MYO3A: variants seen among roughly 807,000 people sequenced by gnomAD.
The protein encoded by MYO3A is myosin-IIIa.
In MYO3A, 180 loss-of-function variants were observed where a neutral mutation model predicts 192.7. The ratio of observed to expected loss-of-function variants is 0.93; its 90% CI spans 0.83 to 1.06. The LOEUF is 1.06. Among genes scored for constraint, MYO3A ranks in the 50% least tolerant of loss-of-function variants. The pLI, the probability that MYO3A is intolerant of heterozygous loss-of-function variation, is 0.00. For synonymous variants in MYO3A, 628 were observed against 645.3 expected (o/e 0.97, Z 0.41); for missense variants, 1,896 against 1,905.0 (o/e 1.00, Z 0.09).
chr10:26,068,717 G>A (rs1835008247), intron 11 of MYO3A, 51 bp from the exon 12 acceptor site: 1 of 1,236,050 alleles, frequency 8.1e-7, no homozygotes, highest in Non-Finnish European at 1.2e-6. Flanking sequence ...TTAAATTGTA[G>A]TTGACCACAA....
chr10:26,065,340 C>G (rs1193540365), intron 10 of MYO3A, among the ~76,000 whole-genome samples: 1 of 151,984 alleles, frequency 6.6e-6, no homozygotes, highest in East Asian at 1.9e-4. Context: ...TCCAAGCACA[C>G]TGGGAGGCCA....
chr10:26,104,687 T>C (rs1837681184), intron 17 of MYO3A, among the ~76,000 whole-genome samples: 1 of 152,080 alleles, frequency 6.6e-6, no homozygotes, highest in Non-Finnish European at 1.5e-5. Context: ...AATATAAATT[T>C]GAAGGATCAC....
In MYO3A at chr10:26,010,450, G is replaced by GTTTT. The variant is rs778349166; in HGVS notation, c.509-6352_509-6349dup. Among the ~76,000 whole-genome samples, 967 of 111,162 alleles carry GTTTT rather than the reference G, an allele frequency of 8.7e-3. 3 individuals are homozygous for GTTTT. Among genetic ancestry groups the GTTTT allele is most frequent in the East Asian group, 0.035 (125 of 3,568 alleles). 72.9% of individuals were successfully genotyped at this position (111,162 alleles called of 152,430 possible). On this transcript the variant is annotated intron_variant, in intron 6 of 34. Transcript: ENST00000642920. ...CATCCATGAGATAGACTAAGTAGTT[G>GTTTT]TTTTTTTTTTTTTTTTTTTTTGTTT...
At chr10:26,051,199 C>A (rs918292231) in intron 10 of MYO3A, among the ~76,000 whole-genome samples, 1 of 152,158 alleles carries the variant, frequency 6.6e-6, no homozygotes, top group East Asian at 1.9e-4. Flanking sequence ...TAATAAGACC[C>A]TTAAACATCA....
chr10:25,976,211 G>A (rs978804372), intron 4 of MYO3A, among the ~76,000 whole-genome samples: 6 of 152,084 alleles, frequency 3.9e-5, no homozygotes, highest in South Asian at 2.1e-4. Context: ...TGACATATAC[G>A]CCTACCACAT....
intron 10 of MYO3A, among the ~76,000 whole-genome samples, chr10:26,043,006 A>G (rs1843434800): frequency 6.6e-6 from 1 of 152,180 alleles, no homozygotes; most frequent in African/African-American, 2.4e-5. Flanking sequence ...GATCTAAGCC[A>G]TATATGTATT....
chr10:26,029,097 A>G (rs570165024), intron 10 of MYO3A, among the ~76,000 whole-genome samples: 4 of 152,334 alleles, frequency 2.6e-5, no homozygotes, highest in African/African-American at 9.6e-5. Flanking sequence ...TGAGAGACCC[A>G]TAAATAATTG....
At chr10:26,019,035 AT>A in intron 7 of MYO3A, among the ~76,000 whole-genome samples, 1 of 152,208 alleles carries the variant, frequency 6.6e-6, no homozygotes, top group East Asian at 1.9e-4. Flanking sequence ...CAATATTCTG[AT>A]TTTTAATGTA....
At position 26,089,051 on chromosome 10, in the gene MYO3A, T is replaced by C. The variant is rs1026055280; in HGVS notation, c.1562+646T>C. On this transcript the variant is annotated intron_variant, in intron 15 of 34. Coordinates refer to ENST00000642920, the MANE Select transcript of MYO3A (RefSeq NM_017433.5). ...TTTGTACCCTGGTGGTTACATTATTTTGCTTAAAAGCATGGCAAGTTAGAA... is the reference window on the plus strand; with the variant it reads ...TTTGTACCCTGGTGGTTACATTATTCTGCTTAAAAGCATGGCAAGTTAGAA... Among the ~76,000 whole-genome samples the C allele has an allele frequency of 7.9e-5, 12 of 152,328 alleles. No homozygotes were observed. In the South Asian group the frequency reaches 8.3e-4, roughly 11 times the overall value.
intron 17 of MYO3A, among the ~76,000 whole-genome samples, chr10:26,113,143 T>C (rs540242797): frequency 4.6e-5 from 7 of 152,320 alleles, no homozygotes; most frequent in African/African-American, 1.7e-4. Context: ...ACAAAAAGGA[T>C]TGAATTTCCA....
intron 6 of MYO3A, among the ~76,000 whole-genome samples, chr10:26,005,356 G>A (rs1230567113): frequency 2.6e-4 from 39 of 152,110 alleles, no homozygotes; most frequent in Non-Finnish European, 2.5e-4. Flanking sequence ...AAAGATTGAG[G>A]AACTCCTCCA....
At chr10:26,180,557 A>C (rs984457401) in intron 31 of MYO3A, among the ~76,000 whole-genome samples, 13 of 152,206 alleles carry the variant, frequency 8.5e-5, no homozygotes, top group African/African-American at 3.1e-4. Context: ...AACTATCAAA[A>C]GGGAACAGAT....
intron 4 of MYO3A, among the ~76,000 whole-genome samples, chr10:25,957,454 C>T (rs370502304): frequency 1.3e-5 from 2 of 152,040 alleles, no homozygotes; most frequent in African/African-American, 2.4e-5. Flanking sequence ...TGTCCAGTCT[C>T]GTGTATGTCT....
At chr10:26,190,696 ATAATGCT>A (rs1843085125) in intron 31 of MYO3A, among the ~76,000 whole-genome samples, 1 of 152,212 alleles carries the variant, frequency 6.6e-6, no homozygotes, top group Non-Finnish European at 1.5e-5. Flanking sequence ...GGGGTGTTTA[ATAATGCT>A]TAATGATGAA....
chr10:25,976,711 C>T (rs1838983844), intron 4 of MYO3A, among the ~76,000 whole-genome samples: 1 of 151,984 alleles, frequency 6.6e-6, no homozygotes, highest in African/African-American at 2.4e-5. Context: ...AATTATACTT[C>T]AATTTTGTTT....
chr10:25,975,962 C>G (rs1838940721), intron 4 of MYO3A, among the ~76,000 whole-genome samples: 1 of 152,192 alleles, frequency 6.6e-6, no homozygotes, highest in Non-Finnish European at 1.5e-5. Context: ...TAAGCTAGAA[C>G]TTTGGACATT....
rs145697043 is a variant in MYO3A at position 26,170,572 on chromosome 10, CAT to C, written c.3398+37_3398+38del. On this transcript the variant is annotated intron_variant, in intron 29 of 34. Transcript: ENST00000642920. ...GATGTTCATTCTTATACCGTTGTAA[CAT>C]ATAGATTTTTCAGATCTGTAAGGTC... 9.2e-4 allele frequency: 1,462 copies of C among 1,589,156 alleles called. 1 individual carries two copies. The highest frequency in any genetic ancestry group is 1.2e-3 in the Non-Finnish European group (1,379 of 1,163,734).
At chr10:26,146,401 T>C (rs2226129) in intron 22 of MYO3A, among the ~76,000 whole-genome samples, 62,100 of 152,122 alleles carry the variant, frequency 0.41, 12,907 homozygotes, top group Middle Eastern at 0.52. Context: ...AACAAAAATA[T>C]CACAGGCTGC....
chr10:26,162,756 G>A (rs1205950866), intron 26 of MYO3A, among the ~76,000 whole-genome samples: 1 of 152,126 alleles, frequency 6.6e-6, no homozygotes, highest in Non-Finnish European at 1.5e-5. Context: ...CAGGTTTGGG[G>A]GCAAACACAG....
Sources: allele counts gnomAD v4.1 joint callset (sites outside exome capture counted in the v4.1 genomes callset), GRCh38; gene constraint gnomAD v4.1.1; transcripts MANE v1.5; gene names NCBI Gene and HGNC (gene_info 2026-07-23, HGNC 2026-07-21).